The following CSMD1 variants were observed in gnomAD, a reference collection of about 807,000 sequenced individuals.
CSMD1 encodes CUB and Sushi multiple domains 1.
CSMD1 carries 213 observed loss-of-function variants against 417.5 expected under a neutral mutation model. The ratio of observed to expected loss-of-function variants is 0.51; its 90% CI spans 0.46 to 0.57. CSMD1 has a LOEUF of 0.57. Ranked by LOEUF, CSMD1 falls within the 20% of genes least tolerant of loss-of-function variation. The pLI is 0.00. For missense variants in CSMD1, 6,923 were observed against 4,529.7 expected (o/e 1.53, Z -15.17); for synonymous variants, 2,862 against 1,736.8 (o/e 1.65, Z -16.11).
At position 3,762,014 on chromosome 8, in the gene CSMD1, C is replaced by A. The variant is rs570309709; in HGVS notation, c.819-7972G>T. Among the ~76,000 whole-genome samples, 9 of 152,236 alleles carry A rather than the reference C, an allele frequency of 5.9e-5. No homozygotes were observed. The South Asian group carries it at 1.7e-3, about 28-fold the overall frequency. Reference sequence around the variant, plus strand: ...TCATCCACTCCTGCGACTCTAGCCACGGCCTTTAGCTTTTTCCTTGTGCCC... The same window carrying A: ...TCATCCACTCCTGCGACTCTAGCCAAGGCCTTTAGCTTTTTCCTTGTGCCC... On this transcript the variant is annotated intron_variant, in intron 5 of 69. Coordinates refer to ENST00000635120, the MANE Select transcript of CSMD1 (RefSeq NM_033225.6).
chr8:4,795,693 G>A (rs1045545685), intron 1 of CSMD1, among the ~76,000 whole-genome samples: 1 of 152,046 alleles, frequency 6.6e-6, no homozygotes, highest in Non-Finnish European at 1.5e-5. Context: ...CTGTGAACTG[G>A]GATCCGCAGA....
chr8:3,217,006 T>C (rs951316903), intron 29 of CSMD1, among the ~76,000 whole-genome samples: 3 of 152,176 alleles, frequency 2.0e-5, no homozygotes, highest in Non-Finnish European at 4.4e-5. Flanking sequence ...CTGGATGCAA[T>C]GGCATCATTT....
intron 47 of CSMD1, among the ~76,000 whole-genome samples, chr8:3,093,030 C>T (rs577978215): frequency 2.0e-5 from 3 of 152,256 alleles, no homozygotes; most frequent in African/African-American, 7.2e-5. Context: ...CCAATCAGAG[C>T]AGTTCTCATG....
chr8:4,215,701 C>G (rs1338185493), intron 3 of CSMD1, among the ~76,000 whole-genome samples: 1 of 152,070 alleles, frequency 6.6e-6, no homozygotes, highest in Non-Finnish European at 1.5e-5. Flanking sequence ...TATGCAGATT[C>G]TTTAAAACTC....
chr8:3,318,499 A>T (rs1017441697), intron 23 of CSMD1, among the ~76,000 whole-genome samples: 2 of 152,080 alleles, frequency 1.3e-5, no homozygotes, highest in Non-Finnish European at 2.9e-5. Flanking sequence ...ATAAAAGATA[A>T]CATATAAAAG....
At chr8:3,905,444 T>G (rs1808049278) in intron 5 of CSMD1, among the ~76,000 whole-genome samples, 1 of 152,206 alleles carries the variant, frequency 6.6e-6, no homozygotes. Context: ...CTGTGCAATG[T>G]AAGACCCCCC....
At chr8:3,262,183 G>GAAAAAAAAA (rs143292375) in intron 26 of CSMD1, among the ~76,000 whole-genome samples, 1 of 54,726 alleles carries the variant, frequency 1.8e-5, no homozygotes, top group African/African-American at 7.5e-5. Context: ...ATGCTCATAT[G>GAAAAAAAAA]AATATATATA....
rs1399352070 is a variant in CSMD1, at chr8:4,727,421, C to G, written c.86-89863G>C. On this transcript the variant is annotated intron_variant, in intron 1 of 69. Coordinates refer to ENST00000635120, the MANE Select transcript of CSMD1 (RefSeq NM_033225.6). ...CTCCATAAGTGCACTACCCATAAGT[C>G]AGTCCCTGGAATTATGCGTAAGATA... 3.3e-5 allele frequency among the ~76,000 whole-genome samples: 5 copies of G among 152,172 alleles called. No individual in the cohort carries two copies. The East Asian group carries it at 7.7e-4, about 23-fold the overall frequency.
At chr8:4,383,971 G>C (rs999863766) in intron 3 of CSMD1, among the ~76,000 whole-genome samples, 1 of 152,124 alleles carries the variant, frequency 6.6e-6, no homozygotes, top group African/African-American at 2.4e-5. Flanking sequence ...TCTCTCAACA[G>C]CATACCCTTT....
intron 5 of CSMD1, among the ~76,000 whole-genome samples, chr8:3,899,913 T>C (rs1180780927): frequency 1.3e-5 from 2 of 152,224 alleles, no homozygotes; most frequent in Non-Finnish European, 2.9e-5. Flanking sequence ...AAACATGTCT[T>C]TAATGTGTAA....
At chr8:3,038,641 C>G (rs561616986) in intron 50 of CSMD1, among the ~76,000 whole-genome samples, 41 of 152,090 alleles carry the variant, frequency 2.7e-4, no homozygotes, top group Non-Finnish European at 4.9e-4. Context: ...TAACGCTGAA[C>G]TGGGTATTAG....
At chr8:3,376,237 T>C (rs1401117386) in intron 18 of CSMD1, among the ~76,000 whole-genome samples, 1 of 151,990 alleles carries the variant, frequency 6.6e-6, no homozygotes, top group Non-Finnish European at 1.5e-5. Flanking sequence ...ATAATTACTA[T>C]TGAAATATTA....
At position 4,480,495 on chromosome 8, in the gene CSMD1, C is replaced by A. The variant is rs535055332; in HGVS notation, c.303-60430G>T. Among the ~76,000 whole-genome samples, 17 of 152,336 alleles carry A rather than the reference C, an allele frequency of 1.1e-4. No individual in the cohort carries two copies. The South Asian group carries it at 3.1e-3, about 28-fold the overall frequency. On this transcript the variant is annotated intron_variant, in intron 2 of 69. Transcript: ENST00000635120. ...AGGGGCCTCAGCTAGTTGTATTAGA[C>A]AACCAGATACTTGGTGGACGGAAAT...
intron 3 of CSMD1, among the ~76,000 whole-genome samples, chr8:4,143,990 A>C (rs533279064): frequency 6.6e-6 from 1 of 151,336 alleles, no homozygotes; most frequent in South Asian, 2.1e-4. Context: ...CTCCCTTTCC[A>C]TCTGAGACAC....
intron 11 of CSMD1, among the ~76,000 whole-genome samples, chr8:3,491,170 G>A (rs1222524821): frequency 6.6e-6 from 1 of 152,248 alleles, no homozygotes; most frequent in East Asian, 1.9e-4. Flanking sequence ...GCAAAAGACT[G>A]TCAAAGGGAA....
chr8:3,035,055 G>T (rs1391007642), intron 50 of CSMD1, among the ~76,000 whole-genome samples: 2 of 152,082 alleles, frequency 1.3e-5, no homozygotes, highest in African/African-American at 4.8e-5. Flanking sequence ...AGACAAAGTG[G>T]AGTTACAGTC....
chr8:3,949,650 G>C (rs1235456445), intron 5 of CSMD1, among the ~76,000 whole-genome samples: 1 of 152,004 alleles, frequency 6.6e-6, no homozygotes. Flanking sequence ...AGATTGAAGG[G>C]GCAACGAGGA....
intron 1 of CSMD1, among the ~76,000 whole-genome samples, chr8:4,901,349 G>C (rs1484115469): frequency 2.0e-5 from 3 of 152,260 alleles, no homozygotes; most frequent in East Asian, 1.9e-4. Context: ...AATGGTATTA[G>C]AAGTGTAGTT....
At position 3,546,241 on chromosome 8, in the gene CSMD1, G is replaced by T. The variant is rs576873609; in HGVS notation, c.1344+28704C>A. On this transcript the variant is annotated intron_variant, in intron 10 of 69. Coordinates refer to ENST00000635120, the MANE Select transcript of CSMD1 (RefSeq NM_033225.6). ...GTTCTATGCAGATAGTGCCCTCAAT[G>T]GCTGGCCACGTGAATTTTTCCTCTA... is the stretch of plus-strand genomic sequence containing the variant. Among the ~76,000 whole-genome samples the T allele has an allele frequency of 4.0e-5, 6 of 151,102 alleles. No homozygotes were observed. In the East Asian group the frequency reaches 9.8e-4, roughly 25 times the overall value.
Sources: gnomAD v4.1 joint callset for allele counts (sites outside exome capture counted in the v4.1 genomes callset) on GRCh38, gnomAD v4.1.1 for gene constraint, MANE v1.5 for transcripts, NCBI Gene and HGNC (gene_info 2026-07-23, HGNC 2026-07-21) for gene names.